MCF2L: variants seen among roughly 807,000 people sequenced by gnomAD.
MCF2L encodes the protein MCF.2 cell line derived transforming sequence like.
A neutral mutation model predicts 153.4 loss-of-function variants in MCF2L; 97 were observed. The ratio of observed to expected loss-of-function variants is 0.63; its 90% CI spans 0.54 to 0.75. The LOEUF is 0.75. MCF2L is among the 30% of genes least tolerant of loss of function. The pLI, the probability that MCF2L is intolerant of heterozygous loss-of-function variation, is 0.00. For synonymous variants in MCF2L, 659 were observed against 632.2 expected (o/e 1.04, Z -0.64); for missense variants, 1,347 against 1,495.2 (o/e 0.90, Z 1.64).
rs183397185 is a variant in MCF2L at position 112,944,647 on chromosome 13, C to T, written c.169+42276C>T. Reference sequence around the variant, plus strand: ...AGTGCAGTGGCGCAACCTCGGCTCACGGCTAATTTTTTGTATTTTTAGTAG... The same window carrying T: ...AGTGCAGTGGCGCAACCTCGGCTCATGGCTAATTTTTTGTATTTTTAGTAG... On this transcript the variant is annotated intron_variant, in intron 2 of 29. Coordinates refer to the MCF2L transcript ENST00000375608. 2.0e-3 allele frequency among the ~76,000 whole-genome samples: 307 copies of T among 150,626 alleles called. 1 individual carries two copies. The highest frequency in any genetic ancestry group is 3.6e-3 in the Non-Finnish European group (246 of 67,798).
chr13:112,999,348 C>T (rs532994512), intron 1 of MCF2L, among the ~76,000 whole-genome samples: 14 of 151,306 alleles, frequency 9.3e-5, no homozygotes, highest in African/African-American at 3.2e-4. Context: ...GCTGATTTCT[C>T]GGGGTCCTTG....
chr13:112,909,553 T>C (rs2081209428), intron 2 of MCF2L: 2 of 473,422 alleles, frequency 4.2e-6, no homozygotes, highest in East Asian at 3.1e-5. Context: ...TAGTGCTCAG[T>C]GGCATTTGGA....
chr13:113,067,317 T>C (rs867895275), intron 8 of MCF2L, among the ~76,000 whole-genome samples: 79 of 115,076 alleles, frequency 6.9e-4, no homozygotes, highest in South Asian at 2.8e-3. Context: ...ACCTGGGTGG[T>C]GCACAGCTGG....
upstream of MCF2L, chr13:112,968,633 G>T (rs1387770015): frequency 6.5e-7 from 1 of 1,527,294 alleles, no homozygotes; most frequent in Admixed American, 2.0e-5. Context: ...GCGCGGCGCG[G>T]GTGGCATGCG....
chr13:112,946,902 G>A (rs928989770), intron 2 of MCF2L, among the ~76,000 whole-genome samples: 8 of 152,192 alleles, frequency 5.3e-5, no homozygotes, highest in Admixed American at 4.6e-4. Flanking sequence ...AGGGGGGGAG[G>A]AGGAGGCAGA....
At chr13:112,984,240 C>CTTT (rs979590878) in intron 1 of MCF2L, among the ~76,000 whole-genome samples, 1 of 146,962 alleles carries the variant, frequency 6.8e-6, no homozygotes, top group Non-Finnish European at 1.5e-5. Context: ...AGAAATTCTC[C>CTTT]TTTTTTTTTT....
chr13:113,016,130 G>T (rs192036111), intron 2 of MCF2L, among the ~76,000 whole-genome samples: 17 of 152,306 alleles, frequency 1.1e-4, no homozygotes, highest in African/African-American at 4.1e-4. Context: ...TTCCTCAGAC[G>T]CCAGCCCAGG....
In MCF2L at chr13:112,993,709, A is replaced by G. The variant is rs1195554465; in HGVS notation, c.80-21054A>G. On this transcript the variant is annotated intron_variant, in intron 1 of 29. Transcript: ENST00000535094. The surrounding 1 kb of genome is among the most constrained non-coding windows in gnomAD (Gnocchi z 4.6). Reference sequence around the variant, plus strand: ...GGGTGGACGGTGGTGCCATCAGTCAAGAGAGACTTCAGAGGGAGAGGTTAG... The same window carrying G: ...GGGTGGACGGTGGTGCCATCAGTCAGGAGAGACTTCAGAGGGAGAGGTTAG... Among the ~76,000 whole-genome samples the G allele has an allele frequency of 6.6e-6, 1 of 152,052 alleles. No individual in the cohort carries two copies. Among genetic ancestry groups the G allele is most frequent in the Non-Finnish European group, 1.5e-5 (1 of 68,008 alleles).
rs115994982 is a variant in MCF2L, at chr13:113,087,027, C to T, written c.2374-208C>T. Among the ~76,000 whole-genome samples the T allele has an allele frequency of 6.8e-3, 1,031 of 152,274 alleles. 14 individuals are homozygous for T. The highest frequency in any genetic ancestry group is 0.023 in the African/African-American group (965 of 41,548). ...GAGCAGCTTCACTGTCCTAGAAGCC[C>T]ATGTGCCCCGCCAGTCCATCCCTCC... is the stretch of plus-strand genomic sequence containing the variant. On this transcript the variant is annotated intron_variant, in intron 21 of 29. Transcript: ENST00000535094.
intron 4 of MCF2L, among the ~76,000 whole-genome samples, chr13:113,051,660 C>T (rs1269199593): frequency 6.6e-6 from 1 of 152,234 alleles, no homozygotes; most frequent in Non-Finnish European, 1.5e-5. Flanking sequence ...TTGTCTTAGT[C>T]CGGGTCTGCT....
At chr13:113,007,111 G>A (rs1459457492) in intron 1 of MCF2L, among the ~76,000 whole-genome samples, 1 of 152,122 alleles carries the variant, frequency 6.6e-6, no homozygotes, top group East Asian at 1.9e-4. Context: ...TTTTTAAGTT[G>A]TTCTAGCTCA....
chr13:113,026,272 G>T (rs1470472864), intron 3 of MCF2L, among the ~76,000 whole-genome samples: 1 of 151,942 alleles, frequency 6.6e-6, no homozygotes, highest in Non-Finnish European at 1.5e-5. Flanking sequence ...TCTCTGTGAG[G>T]TTCCACCATG....
At chr13:113,014,099 G>C (rs1164508464) in intron 1 of MCF2L, among the ~76,000 whole-genome samples, 1 of 152,242 alleles carries the variant, frequency 6.6e-6, no homozygotes, top group Non-Finnish European at 1.5e-5. Flanking sequence ...CTGGCCCCAT[G>C]CTCCCCCCGT....
chr13:113,031,897 C>T lies in MCF2L; in HGVS notation c.278+7139C>T, dbSNP rs181531945. ...ACACACACACACACACACAGATGCA[C>T]GCAGACACGCAGGCACTCATGCACT... On this transcript the variant is annotated intron_variant, in intron 3 of 29. Transcript: ENST00000535094. The surrounding 1 kb of genome is among the most constrained non-coding windows in gnomAD (Gnocchi z 5.5). 1.2e-3 allele frequency among the ~76,000 whole-genome samples: 179 copies of T among 152,108 alleles called. No homozygotes were observed. The highest frequency in any genetic ancestry group is 1.7e-3 in the Non-Finnish European group (117 of 67,998).
chr13:112,968,674 C>T (rs1264920930), upstream of MCF2L: 14 of 1,492,868 alleles, frequency 9.4e-6, no homozygotes, highest in African/African-American at 1.4e-5. Context: ...TGGGCTGCTG[C>T]GGCCTCTGCA....
intron 21 of MCF2L, 98 bp from the exon 22 acceptor site, chr13:113,087,137 G>C (rs1372813982): frequency 9.7e-7 from 1 of 1,030,924 alleles, no homozygotes; most frequent in Non-Finnish European, 1.4e-6. Context: ...ATCCCACCGT[G>C]GGTGGGCTTT....
chr13:113,096,376 A>T lies in MCF2L; in HGVS notation c.3081A>T (p.Pro1027=). The T allele has an allele frequency of 6.3e-7, 1 of 1,576,456 alleles. No individual in the cohort carries two copies. Among genetic ancestry groups the T allele is most frequent in the East Asian group, 2.3e-5 (1 of 42,730 alleles). ...DGGLGPKKLV[P]GKYTVVADHE... The stretch of plus-strand genomic sequence containing the variant: ...CCCTGCCCGTCTCCCACCAGGTTCC[A>T]GGTAAATACACGGTCGTGGCGGACC... Residue 1027 remains proline, a synonymous_variant, in exon 28 of 30, where the codon CCA becomes CCT. Coordinates refer to ENST00000535094, the MANE Select transcript of MCF2L (RefSeq NM_001112732.3).
At chr13:113,044,686 C>T (rs1385559527) in intron 3 of MCF2L, 2 of 1,612,636 alleles carry the variant, frequency 1.2e-6, no homozygotes, top group South Asian at 1.1e-5. Flanking sequence ...AGGACGGAGG[C>T]TGTCGTTATA....
intron 26 of MCF2L, among the ~76,000 whole-genome samples, chr13:113,092,010 G>A (rs983092567): frequency 6.6e-6 from 1 of 152,216 alleles, no homozygotes; most frequent in Non-Finnish European, 1.5e-5. Context: ...CTGGCCCGGC[G>A]TTACTGACTG....
Sources: gnomAD v4.1 joint callset for allele counts (sites outside exome capture counted in the v4.1 genomes callset) on GRCh38, gnomAD v4.1.1 for gene constraint, Gnocchi (gnomAD v3.1) non-coding constraint, MANE v1.5 for transcripts, NCBI Gene and HGNC (gene_info 2026-07-23, HGNC 2026-07-21) for gene names.